TMX4: variants seen among roughly 807,000 people sequenced by gnomAD.
TMX4 encodes thioredoxin related transmembrane protein 4.
TMX4 carries 23 observed loss-of-function variants against 33.3 expected under a neutral mutation model. The observed-to-expected ratio is 0.69, with a 90% CI of 0.50 to 0.98. The LOEUF is 0.98. Ranked by LOEUF, TMX4 falls within the 50% of genes least tolerant of loss-of-function variation. The pLI, the probability that TMX4 is intolerant of heterozygous loss-of-function variation, is 0.00. For missense variants in TMX4, 399 were observed against 448.9 expected, an observed-to-expected ratio of 0.89 and a Z score of 1.01; for synonymous variants, 164 against 161.5, an observed-to-expected ratio of 1.02 and a Z score of -0.12.
At position 7,982,508 on chromosome 20, in the gene TMX4, C is replaced by A. The variant is rs2050612009; in HGVS notation, c.793G>T (p.Glu265Ter). The change falls in exon 8 of 8, where the codon GAA becomes TAA. Residue 265 changes from glutamate to a stop codon, truncating the protein, a stop_gained. Coordinates refer to ENST00000246024, the MANE Select transcript of TMX4 (RefSeq NM_021156.4). LOFTEE classifies it low-confidence loss of function (END_TRUNC). ...ENKDSLVDDE[E>*]EKEDLGDEDE... Reference sequence around the variant, plus strand: ...TCATCGCCAAGATCTTCTTTCTCTTCTTCATCATCTACAAGGCTGTCTTTG... The same window carrying A: ...TCATCGCCAAGATCTTCTTTCTCTTATTCATCATCTACAAGGCTGTCTTTG... The A allele has an allele frequency of 6.2e-7, 1 of 1,613,852 alleles. No homozygotes were observed. Among genetic ancestry groups the A allele is most frequent in the Non-Finnish European group, 8.5e-7 (1 of 1,179,812 alleles).
At chr20:7,997,567 T>A (rs1432294591) in intron 4 of TMX4, among the ~76,000 whole-genome samples, 4 of 151,808 alleles carry the variant, frequency 2.6e-5, no homozygotes, top group African/African-American at 4.8e-5. Context: ...TCCTCTTTCT[T>A]CTATGTGCCC....
chr20:7,998,025 A>G (rs1480011494), intron 4 of TMX4, among the ~76,000 whole-genome samples: 1 of 151,984 alleles, frequency 6.6e-6, no homozygotes, highest in Admixed American at 6.6e-5. Context: ...ATGTGATGTT[A>G]TGTGCTTCCC....
chr20:8,011,639 A>G (rs562197532), intron 1 of TMX4, among the ~76,000 whole-genome samples: 1 of 152,206 alleles, frequency 6.6e-6, no homozygotes, highest in African/African-American at 2.4e-5. Flanking sequence ...TATTTCACAA[A>G]AAGTACTGAA....
intron 2 of TMX4, among the ~76,000 whole-genome samples, chr20:8,009,933 G>A (rs917987060): frequency 9.5e-5 from 14 of 147,998 alleles, no homozygotes; most frequent in Non-Finnish European, 1.5e-4. Flanking sequence ...GAATTGAAGG[G>A]TAAATTATCA....
intron 2 of TMX4, among the ~76,000 whole-genome samples, chr20:8,005,016 T>G (rs2050722818): frequency 6.6e-6 from 1 of 152,180 alleles, no homozygotes; most frequent in Admixed American, 6.5e-5. Flanking sequence ...CTTTTGAGAT[T>G]GAAATAAGGT....
At chr20:8,009,035 G>C (rs1408276949) in intron 2 of TMX4, among the ~76,000 whole-genome samples, 1 of 152,088 alleles carries the variant, frequency 6.6e-6, no homozygotes, top group Non-Finnish European at 1.5e-5. Context: ...GAAAATGAAT[G>C]TCTACACTTC....
intron 4 of TMX4, among the ~76,000 whole-genome samples, 160 bp from the exon 5 acceptor site, chr20:7,996,231 T>C (rs2050675886): frequency 6.6e-6 from 1 of 152,156 alleles, no homozygotes; most frequent in Non-Finnish European, 1.5e-5. Flanking sequence ...ATTCAGTGGC[T>C]ATCATTTGAA....
intron 1 of TMX4, among the ~76,000 whole-genome samples, chr20:8,018,423 AAG>A (rs1179855920): frequency 3.0e-5 from 1 of 33,050 alleles, no homozygotes; most frequent in Non-Finnish European, 5.0e-5. Flanking sequence ...AGAGAGAGAG[AAG>A]AGAGAGAGGA....
intron 2 of TMX4, among the ~76,000 whole-genome samples, chr20:8,003,832 C>T (rs991379225): frequency 6.6e-6 from 1 of 151,998 alleles, no homozygotes; most frequent in African/African-American, 2.4e-5. Flanking sequence ...ATTTACAAGG[C>T]CATCAATTAA....
intron 2 of TMX4, among the ~76,000 whole-genome samples, chr20:8,008,008 T>C (rs2050737668): frequency 6.6e-6 from 1 of 152,264 alleles, no homozygotes; most frequent in East Asian, 1.9e-4. Context: ...CACTGGTATC[T>C]AGAACAGGGC....
intron 1 of TMX4, among the ~76,000 whole-genome samples, chr20:8,018,405 GGAGA>G (rs1202454612): frequency 1.2e-4 from 4 of 34,728 alleles, no homozygotes; most frequent in Non-Finnish European, 1.8e-4. Flanking sequence ...AGGGAGGGAG[GGAGA>G]GAGAGAGAGA....
In TMX4 at chr20:7,982,034, C is replaced by G. The variant is rs1044050592; in HGVS notation, c.*217G>C. On this transcript the variant is annotated 3_prime_UTR_variant, in exon 8 of 8. Coordinates refer to ENST00000246024, the MANE Select transcript of TMX4 (RefSeq NM_021156.4). ...TCCCATCCCAGTCTCCAAACAGATC[C>G]CAACACTACGTTTGTTTTTCTATAT... 3.6e-6 allele frequency: 2 copies of G among 548,764 alleles called. No individual in the cohort carries two copies. The highest frequency in any genetic ancestry group is 6.4e-6 in the Non-Finnish European group (2 of 312,964). The allele number at this position is 548,764 out of a possible 1,614,324, so 34.0% of individuals were successfully genotyped here.
intron 5 of TMX4, among the ~76,000 whole-genome samples, chr20:7,991,358 G>A (rs1041205720): frequency 1.3e-5 from 2 of 152,190 alleles, no homozygotes; most frequent in Admixed American, 6.5e-5. Flanking sequence ...AACTTAGTTC[G>A]CAAAAGCATA....
intron 6 of TMX4, among the ~76,000 whole-genome samples, chr20:7,985,245 A>ATATGTGTG (rs1311791212): frequency 2.1e-5 from 3 of 144,848 alleles, no homozygotes; most frequent in African/African-American, 7.7e-5. Flanking sequence ...GTGTATATAT[A>ATATGTGTG]TGTGTGTGTG....
chr20:8,015,410 A>T (rs2050770745), intron 1 of TMX4, among the ~76,000 whole-genome samples: 1 of 152,224 alleles, frequency 6.6e-6, no homozygotes, highest in Non-Finnish European at 1.5e-5. Flanking sequence ...GGCCATTCCC[A>T]CACACCAAAG....
intron 3 of TMX4, among the ~76,000 whole-genome samples, chr20:8,000,597 T>C (rs571595345): frequency 4.6e-5 from 7 of 152,296 alleles, no homozygotes; most frequent in African/African-American, 1.7e-4. Context: ...TACTTCTCCA[T>C]TTCCTTCACT....
chr20:8,011,491 T>A (rs1463907510), intron 1 of TMX4, among the ~76,000 whole-genome samples: 2 of 148,372 alleles, frequency 1.3e-5, no homozygotes, highest in African/African-American at 2.5e-5. Context: ...AAAAAATCAA[T>A]GCAATGACAC....
Position 7,979,304 on chromosome 20 carries a change from A to T in TMX4, c.*2947T>A, listed in dbSNP as rs971014340. On this transcript the variant is annotated 3_prime_UTR_variant, in exon 8 of 8. Coordinates refer to ENST00000246024, the MANE Select transcript of TMX4 (RefSeq NM_021156.4). ...ATTAAATTAAATTTTGTTGGAAAAA[A>T]ACCCATCTTTGCCATGATGTTAAAA... The T allele has an allele frequency of 6.6e-6, 1 of 152,174 alleles. No homozygotes were observed. The highest frequency in any genetic ancestry group is 1.5e-5 in the Non-Finnish European group (1 of 68,026). The allele number at this position is 152,174 out of a possible 1,614,324, so 9.4% of individuals were successfully genotyped here.
At chr20:8,010,446 C>A in intron 1 of TMX4, 131 bp from the exon 2 acceptor site, 1 of 497,528 alleles carries the variant, frequency 2.0e-6, no homozygotes, top group South Asian at 5.5e-5. Flanking sequence ...TTTCCAAAGT[C>A]ATTTGACATA....
Sources: gnomAD v4.1 joint callset for allele counts (sites outside exome capture counted in the v4.1 genomes callset) on GRCh38, gnomAD v4.1.1 for gene constraint, MANE v1.5 for transcripts, NCBI Gene and HGNC (gene_info 2026-07-23, HGNC 2026-07-21) for gene names.